The following ADRA1B variants were observed in gnomAD, a reference collection of about 807,000 sequenced individuals.
ADRA1B encodes the protein alpha-1B adrenergic receptor.
In ADRA1B, 17 loss-of-function variants were observed where a neutral mutation model predicts 17.9. The ratio of observed to expected loss-of-function variants is 0.95; its 90% CI spans 0.65 to 1.42. ADRA1B has a LOEUF of 1.42. Ranked by LOEUF, ADRA1B falls within the 40% of genes most tolerant of loss-of-function variation. The pLI is 0.00. For missense variants in ADRA1B, 681 were observed against 722.1 expected (o/e 0.94, Z 0.65); for synonymous variants, 366 against 327.6 (o/e 1.12, Z -1.27).
intron 1 of ADRA1B, 22 bp from the exon 2 acceptor site, chr5:159,971,857 C>CGGGGGGGGGGG: frequency 1.9e-5 from 6 of 317,812 alleles, no homozygotes; most frequent in Non-Finnish European, 2.9e-5. Flanking sequence ...TCTGCCCGTG[C>CGGGGGGGGGGG]CCACCCCCCT....
chr5:159,880,687 C>T (rs530808882), intron 1 of ADRA1B, among the ~76,000 whole-genome samples: 12 of 152,304 alleles, frequency 7.9e-5, no homozygotes, highest in South Asian at 2.1e-4. Flanking sequence ...AATCTGCCCC[C>T]TTTTTATTTC....
At chr5:159,960,792 C>A (rs970594447) in intron 1 of ADRA1B, among the ~76,000 whole-genome samples, 62 of 151,586 alleles carry the variant, frequency 4.1e-4, no homozygotes, top group Non-Finnish European at 8.1e-4. Flanking sequence ...GCTGCTTATC[C>A]ATGAACCTCA....
chr5:159,867,261 C>G (rs772342227), intron 1 of ADRA1B, among the ~76,000 whole-genome samples: 17 of 152,146 alleles, frequency 1.1e-4, no homozygotes, highest in Non-Finnish European at 1.3e-4. Context: ...TTGCATTTTT[C>G]TGGTGTTGAG....
intron 1 of ADRA1B, among the ~76,000 whole-genome samples, chr5:159,890,210 C>T (rs1231624339): frequency 6.6e-6 from 1 of 152,162 alleles, no homozygotes; most frequent in Admixed American, 6.5e-5. Context: ...TTCCTGCCAT[C>T]TCCCAGACCA....
At chr5:159,902,213 A>T (rs988125237) in intron 1 of ADRA1B, among the ~76,000 whole-genome samples, 8 of 152,264 alleles carry the variant, frequency 5.3e-5, no homozygotes, top group Non-Finnish European at 1.0e-4. Flanking sequence ...CCTTGAGGAC[A>T]TTATGCTAAG....
chr5:159,982,376 T>A, the ADRA1B span, among the ~76,000 whole-genome samples: 1 of 152,166 alleles, frequency 6.6e-6, no homozygotes, highest in African/African-American at 2.4e-5. Context: ...AGATGTGCTT[T>A]CTTGTTTGAC....
At chr5:159,962,398 C>A (rs1755681708) in intron 1 of ADRA1B, among the ~76,000 whole-genome samples, 1 of 136,720 alleles carries the variant, frequency 7.3e-6, no homozygotes, top group Admixed American at 7.4e-5. Flanking sequence ...GTGCTGCCAT[C>A]CGTCTGATTT....
chr5:159,890,829 T>C (rs866928688), intron 1 of ADRA1B, among the ~76,000 whole-genome samples: 11 of 152,318 alleles, frequency 7.2e-5, no homozygotes, highest in African/African-American at 2.6e-4. Flanking sequence ...CAATCCTCCA[T>C]CGCCACCCTA....
intron 1 of ADRA1B, chr5:159,869,155 A>G (rs1753704356): frequency 6.6e-6 from 1 of 152,236 alleles, no homozygotes. Context: ...AAAGCATTTC[A>G]TTTCAATTCA....
At chr5:159,882,771 C>G (rs1202231787) in intron 1 of ADRA1B, among the ~76,000 whole-genome samples, 1 of 151,924 alleles carries the variant, frequency 6.6e-6, no homozygotes, top group Non-Finnish European at 1.5e-5. Flanking sequence ...TCCTGGGTGT[C>G]TGTTCATTTT....
rs578204333 is a variant in ADRA1B at position 159,920,352 on chromosome 5, C to T, written c.949+2498C>T. ...CTTCAAGTCATCAAGCCCACCCTCA[C>T]TTTCTTCTTACTCACATTACCCCCA... On this transcript the variant is annotated intron_variant, in intron 1 of 1. Coordinates refer to ENST00000306675, the MANE Select transcript of ADRA1B (RefSeq NM_000679.4). 1.2e-4 allele frequency among the ~76,000 whole-genome samples: 18 copies of T among 152,292 alleles called. No homozygotes were observed. In the South Asian group the frequency reaches 3.7e-3, roughly 32 times the overall value.
chr5:159,870,216 C>T (rs1433803510), intron 1 of ADRA1B: 1 of 152,184 alleles, frequency 6.6e-6, no homozygotes, highest in Non-Finnish European at 1.5e-5. Context: ...GGCTGAGTTG[C>T]AGTATAGACG....
chr5:159,924,501 C>G (rs1188085390), intron 1 of ADRA1B, among the ~76,000 whole-genome samples: 1 of 152,032 alleles, frequency 6.6e-6, no homozygotes, highest in Admixed American at 6.6e-5. Context: ...GGAAGGAGGG[C>G]TGGGTGAATG....
intron 1 of ADRA1B, among the ~76,000 whole-genome samples, chr5:159,890,635 A>G (rs1030822106): frequency 6.6e-6 from 1 of 152,172 alleles, no homozygotes; most frequent in Non-Finnish European, 1.5e-5. Flanking sequence ...CGGACCATCA[A>G]GTCAAACCCC....
At chr5:159,880,914 T>C (rs1753854504) in intron 1 of ADRA1B, among the ~76,000 whole-genome samples, 1 of 152,214 alleles carries the variant, frequency 6.6e-6, no homozygotes. Context: ...TAAATATCAG[T>C]TGAGTGAATG....
chr5:159,904,673 A>T (rs1407905688), intron 1 of ADRA1B, among the ~76,000 whole-genome samples: 4 of 152,216 alleles, frequency 2.6e-5, no homozygotes. Flanking sequence ...TGTCTAATTT[A>T]AATTCATAGC....
At position 159,971,895 on chromosome 5, in the gene ADRA1B, C is replaced by T; in HGVS notation, c.966C>T (p.Thr322=). 8.6e-7 allele frequency: 1 copy of T among 1,159,440 alleles called. No individual in the cohort carries two copies. Among genetic ancestry groups the T allele is most frequent in the Non-Finnish European group, 1.1e-6 (1 of 918,902 alleles). The allele number at this position is 1,159,440 out of a possible 1,614,324, so 71.8% of individuals were successfully genotyped here. Residue 322 remains threonine (T), a synonymous_variant, in exon 2 of 2, where the codon ACC becomes ACT. Transcript: ENST00000306675. ...IALPLGSLFS[T]LKPPDAVFKV... is the part of the protein sequence containing the mutation. ...CCACTGCAGGCTCCTTGTTCTCCAC[C>T]CTGAAGCCCCCCGACGCCGTGTTCA...
intron 1 of ADRA1B, among the ~76,000 whole-genome samples, chr5:159,918,936 A>C (rs1285992941): frequency 2.6e-5 from 4 of 152,038 alleles, no homozygotes; most frequent in African/African-American, 9.6e-5. Context: ...ATATCAGGAG[A>C]GGTAACAGCT....
chr5:159,881,303 C>CTCTGTCTCTCTCTG (rs1201875637), intron 1 of ADRA1B, among the ~76,000 whole-genome samples: 1 of 88,378 alleles, frequency 1.1e-5, no homozygotes, highest in Non-Finnish European at 2.1e-5. Flanking sequence ...AGAAAGTTCT[C>CTCTGTCTCTCTCTG]TCTCTCTCTC....
Sources: gnomAD v4.1 joint callset for allele counts (sites outside exome capture counted in the v4.1 genomes callset) on GRCh38, gnomAD v4.1.1 for gene constraint, MANE v1.5 for transcripts, NCBI Gene and HGNC (gene_info 2026-07-23, HGNC 2026-07-21) for gene names.